ZNF213: variants seen among roughly 807,000 people sequenced by gnomAD.
ZNF213 encodes putative transcription factor CR53.
Under a neutral mutation model 46.0 loss-of-function variants are expected in ZNF213, and 32 were observed. The observed-to-expected ratio is 0.70, with a 90% CI of 0.52 to 0.93. The LOEUF is 0.93. ZNF213 is among the 40% of genes least tolerant of loss of function. The probability of loss-of-function intolerance (pLI) is 0.00; values close to 1 mark genes in which losing one functional copy is unlikely to be tolerated. For missense variants in ZNF213, 639 were observed against 652.8 expected (o/e 0.98, Z 0.23); for synonymous variants, 297 against 271.0 (o/e 1.10, Z -0.94).
rs551193155 is a variant in ZNF213, at chr16:3,138,514, G to C, written c.496G>C (p.Val166Leu). 6.2e-7 allele frequency: 1 copy of C among 1,613,988 alleles called. No homozygotes were observed. ...GGTGGGGGCACGGAGGCGGCCGTCTGTTCCCCAGGAGCAGCACAGCCATAG... is the reference window on the plus strand; with the variant it reads ...GGTGGGGGCACGGAGGCGGCCGTCTCTTCCCCAGGAGCAGCACAGCCATAG... Reference protein sequence around the residue: ...PTVGARRRPSVPQEQHSHSAQ... With the variant: ...PTVGARRRPSLPQEQHSHSAQ... Residue 166 changes from valine to leucine, a missense_variant, in exon 3 of 6, where the codon GTT (valine) becomes CTT (leucine). By Grantham distance (32) the Val-to-Leu change is conservative. Transcript: ENST00000396878.
rs1567187453 is a variant in ZNF213 at position 3,141,629 on chromosome 16, C to T, written c.*282C>T. The T allele has an allele frequency of 2.1e-6, 1 of 469,028 alleles. No individual in the cohort carries two copies. The highest frequency in any genetic ancestry group is 3.4e-5 in the East Asian group (1 of 29,054). 29.1% of individuals were successfully genotyped at this position (469,028 alleles called of 1,614,324 possible). The stretch of plus-strand genomic sequence containing the variant: ...TAGTTTCCTGGAGCCCCAACACATT[C>T]CTGGCAGGGACAGCAGGGTGGCAAG... On this transcript the variant is annotated 3_prime_UTR_variant, in exon 6 of 6. Transcript: ENST00000396878.
Position 3,141,664 on chromosome 16 carries a change from C to G in ZNF213, c.*317C>G. The G allele has an allele frequency of 2.5e-6, 1 of 395,592 alleles. No homozygotes were observed. Among genetic ancestry groups the G allele is most frequent in the Non-Finnish European group, 4.5e-6 (1 of 220,808 alleles). 24.5% of individuals were successfully genotyped at this position (395,592 alleles called of 1,614,324 possible). A position where few individuals can be genotyped will look rare whatever the true frequency, so the allele number is the denominator to read the frequency against. On this transcript the variant is annotated 3_prime_UTR_variant, in exon 6 of 6. Coordinates refer to ENST00000396878, the MANE Select transcript of ZNF213 (RefSeq NM_004220.3). ...ACAGCAGGGTGGCAAGGACTCAGGT[C>G]TAGGTCCCTTCCCAGAAGCCCCCGA... is the stretch of plus-strand genomic sequence containing the variant.
chr16:3,141,155 G>A lies in ZNF213; in HGVS notation c.1188G>A (p.Thr396=), dbSNP rs767050982. 12 of 1,612,352 alleles carry A rather than the reference G, an allele frequency of 7.4e-6. No homozygotes were observed. Among genetic ancestry groups the A allele is most frequent in the African/African-American group, 6.7e-5 (5 of 74,934 alleles). ...AYLADHQRIH[T]GEKPFGCSDC... ...TGGCCGACCACCAGCGCATACACAC[G>A]GGCGAGAAGCCTTTCGGCTGCAGCG... is the stretch of plus-strand genomic sequence containing the variant. The change falls in exon 6 of 6, where the codon ACG becomes ACA. Residue 396 remains threonine, a synonymous_variant. Coordinates refer to ENST00000396878, the MANE Select transcript of ZNF213 (RefSeq NM_004220.3).
chr16:3,141,031 G>A lies in ZNF213; in HGVS notation c.1064G>A (p.Arg355His), dbSNP rs1282788537. The A allele has an allele frequency of 6.2e-7, 1 of 1,612,258 alleles. No homozygotes were observed. Among genetic ancestry groups the A allele is most frequent in the African/African-American group, 1.3e-5 (1 of 74,728 alleles). ...HKCPECDKSF[R>H]SSSDLVRHQG... Reference sequence around the variant, plus strand: ...TGCCCTGAGTGCGACAAGAGCTTCCGCAGCTCCTCGGACCTGGTGCGCCAC... The same window carrying A: ...TGCCCTGAGTGCGACAAGAGCTTCCACAGCTCCTCGGACCTGGTGCGCCAC... Residue 355 changes from arginine to histidine, a missense_variant, in exon 6 of 6, where the codon CGC becomes CAC. Transcript: ENST00000396878.
At chr16:3,135,723 G>C (rs982270679) in intron 1 of ZNF213, among the ~76,000 whole-genome samples, 2 of 152,118 alleles carry the variant, frequency 1.3e-5, no homozygotes, top group African/African-American at 4.8e-5. Context: ...TGTTAAGTCG[G>C]GGGGTACAAT....
At chr16:3,139,380 A>C in intron 5 of ZNF213, 1 of 361,118 alleles carries the variant, frequency 2.8e-6, no homozygotes, top group Non-Finnish European at 5.1e-6. Context: ...CATTTTACGC[A>C]TAAGGGACCT....
chr16:3,138,639 C>A, intron 3 of ZNF213, 98 bp downstream of exon 3: 5 of 1,609,186 alleles, frequency 3.1e-6, no homozygotes, highest in Non-Finnish European at 4.2e-6. Flanking sequence ...GGACAGCTCC[C>A]TCTGTGAAGT....
rs1489104200 is a variant in ZNF213 at position 3,135,151 on chromosome 16, C to G, written c.-352C>G. On this transcript the variant is annotated 5_prime_UTR_variant, in exon 1 of 6. Transcript: ENST00000396878. ...GGGCGGGGACGGGGCCTCTGGCCGC[C>G]TGGCTCCAACATCAAGCACCGGGCT... The G allele has an allele frequency of 1.3e-5, 2 of 152,880 alleles. No individual in the cohort carries two copies. Among genetic ancestry groups the G allele is most frequent in the African/African-American group, 4.8e-5 (2 of 41,294 alleles). 9.5% of individuals were successfully genotyped at this position (152,880 alleles called of 1,614,324 possible). A position where few individuals can be genotyped will look rare whatever the true frequency, so the allele number is the denominator to read the frequency against.
At chr16:3,140,037 G>C (rs756989458) in intron 5 of ZNF213, 1 of 151,962 alleles carries the variant, frequency 6.6e-6, no homozygotes, top group South Asian at 2.1e-4. Context: ...CACCGCGCCC[G>C]GCCCTTGAAA....
In ZNF213 at chr16:3,141,279, T is replaced by A; in HGVS notation, c.1312T>A (p.Phe438Ile). Residue 438 changes from phenylalanine (F) to isoleucine (I), a missense_variant, in exon 6 of 6, where the codon TTC (phenylalanine) becomes ATC (isoleucine). Transcript: ENST00000396878. Reference sequence around the variant, plus strand: ...CGGCTGCGGAGAGTGCGACAAGAGCTTCAAGCAGCGCGCGCACCTCATCGC... The same window carrying A: ...CGGCTGCGGAGAGTGCGACAAGAGCATCAAGCAGCGCGCGCACCTCATCGC... ...PFGCGECDKS[F>I]KQRAHLIAHQ... The A allele has an allele frequency of 6.2e-7, 1 of 1,611,270 alleles. No homozygotes were observed. Among genetic ancestry groups the A allele is most frequent in the Non-Finnish European group, 8.5e-7 (1 of 1,179,828 alleles).
chr16:3,137,293 T>A lies in ZNF213; in HGVS notation c.13T>A (p.Leu5Met). 1 of 1,597,274 alleles carries A rather than the reference T, an allele frequency of 6.3e-7. No individual in the cohort carries two copies. The highest frequency in any genetic ancestry group is 8.5e-7 in the Non-Finnish European group (1 of 1,170,044). The change falls in exon 2 of 6, where the codon TTG becomes ATG. Residue 5 changes from leucine (L) to methionine (M), a missense_variant. Physicochemically the swap from Leu to Met is conservative, Grantham distance 15. Coordinates refer to ENST00000396878, the MANE Select transcript of ZNF213 (RefSeq NM_004220.3). ...TCAGGCCAGGGGAATGGCAGCCCCCTTGGAGGCCCAGGACCAGGCCCCTGG... is the reference window on the plus strand; with the variant it reads ...TCAGGCCAGGGGAATGGCAGCCCCCATGGAGGCCCAGGACCAGGCCCCTGG... MAAP[L>M]EAQDQAPGEG...
chr16:3,138,787 C>T lies in ZNF213; in HGVS notation c.566C>T (p.Thr189Met), dbSNP rs202010217. The T allele has an allele frequency of 9.9e-6, 16 of 1,613,976 alleles. No homozygotes were observed. The East Asian group carries it at 1.1e-4, about 11-fold the overall frequency. The change falls in exon 4 of 6, where the codon ACG becomes ATG. Residue 189 changes from threonine to methionine, a missense_variant. Transcript: ENST00000396878. ...CTTAAAGAGGGTCGTCCCGGAGAGA[C>T]GACGGACACCTGCTTTGTCTCTGGG... ...ALLKEGRPGE[T>M]TDTCFVSGVH... is the part of the protein sequence containing the mutation.
In ZNF213 at chr16:3,141,711, C is replaced by T. The variant is rs1957606158; in HGVS notation, c.*364C>T. 1 of 263,986 alleles carries T rather than the reference C, an allele frequency of 3.8e-6. No individual in the cohort carries two copies. The highest frequency in any genetic ancestry group is 4.9e-5 in the Admixed American group (1 of 20,326). 16.4% of individuals were successfully genotyped at this position (263,986 alleles called of 1,614,324 possible). Reference sequence around the variant, plus strand: ...CCGAGCCTCATTTGACTGTGTGGCTCTTTGGCCCCCACCCTGTGGGGTGGG... The same window carrying T: ...CCGAGCCTCATTTGACTGTGTGGCTTTTTGGCCCCCACCCTGTGGGGTGGG... On this transcript the variant is annotated 3_prime_UTR_variant, in exon 6 of 6. Coordinates refer to ENST00000396878, the MANE Select transcript of ZNF213 (RefSeq NM_004220.3).
At chr16:3,136,886 A>C (rs1372723501) in intron 1 of ZNF213, among the ~76,000 whole-genome samples, 3 of 152,218 alleles carry the variant, frequency 2.0e-5, no homozygotes, top group Non-Finnish European at 4.4e-5. Flanking sequence ...GATTATAAAT[A>C]TGCTTATATC....
chr16:3,141,677 C>T lies in ZNF213; in HGVS notation c.*330C>T. ...AAGGACTCAGGTCTAGGTCCCTTCC[C>T]AGAAGCCCCCGAGCCTCATTTGACT... On this transcript the variant is annotated 3_prime_UTR_variant, in exon 6 of 6. Coordinates refer to ENST00000396878, the MANE Select transcript of ZNF213 (RefSeq NM_004220.3). 1 of 348,976 alleles carries T rather than the reference C, an allele frequency of 2.9e-6. No individual in the cohort carries two copies. Among genetic ancestry groups the T allele is most frequent in the Non-Finnish European group, 5.2e-6 (1 of 192,230 alleles). 21.6% of individuals were successfully genotyped at this position (348,976 alleles called of 1,614,324 possible).
intron 5 of ZNF213, chr16:3,140,424 T>C (rs1957590318): frequency 2.9e-6 from 1 of 349,320 alleles, no homozygotes; most frequent in Non-Finnish European, 5.0e-6. Context: ...GGTTTCACCA[T>C]GTTGGCCAGG....
Position 3,141,270 on chromosome 16 carries a change from G to C in ZNF213, c.1303G>C (p.Asp435His). ...GCGGCCCTTCGGCTGCGGAGAGTGC[G>C]ACAAGAGCTTCAAGCAGCGCGCGCA... is the stretch of plus-strand genomic sequence containing the variant. ...GERPFGCGEC[D>H]KSFKQRAHLI... The change falls in exon 6 of 6, where the codon GAC becomes CAC. Residue 435 changes from aspartate (D) to histidine (H), a missense_variant. By Grantham distance (81) the Asp-to-His change is moderately conservative (BLOSUM62 -1). Transcript: ENST00000396878. The C allele has an allele frequency of 6.2e-7, 1 of 1,611,772 alleles. No homozygotes were observed. Among genetic ancestry groups the C allele is most frequent in the Non-Finnish European group, 8.5e-7 (1 of 1,179,876 alleles).
rs371263842 is a variant in ZNF213 at position 3,139,433 on chromosome 16, TG to T, written c.721+337del. ...ATGCTGAAGGGACACAGCTGGGACTTGGATCAGGCACAGTTGTGAGGCCACC... is the reference window on the plus strand; with the variant it reads ...ATGCTGAAGGGACACAGCTGGGACTTGATCAGGCACAGTTGTGAGGCCACC... On this transcript the variant is annotated intron_variant, in intron 5 of 5. Coordinates refer to ENST00000396878, the MANE Select transcript of ZNF213 (RefSeq NM_004220.3). 505 of 262,564 alleles carry T rather than the reference TG, an allele frequency of 1.9e-3. 5 individuals carry two copies. Among genetic ancestry groups the T allele is most frequent in the Admixed American group, 8.1e-3 (156 of 19,282 alleles). 16.3% of individuals were successfully genotyped at this position (262,564 alleles called of 1,614,324 possible). A position where few individuals can be genotyped will look rare whatever the true frequency, so the allele number is the denominator to read the frequency against.
chr16:3,139,113 C>A lies in ZNF213; in HGVS notation c.721+15C>A. The A allele has an allele frequency of 1.2e-6, 2 of 1,612,180 alleles. No homozygotes were observed. Among genetic ancestry groups the A allele is most frequent in the East Asian group, 4.5e-5 (2 of 44,856 alleles). ...CACCACCCTGGGTAAGCACCCAGGGCCTTTGGGTCCAGGCTGGCCGCCCCC... is the reference window on the plus strand; with the variant it reads ...CACCACCCTGGGTAAGCACCCAGGGACTTTGGGTCCAGGCTGGCCGCCCCC... On this transcript the variant is annotated intron_variant, in intron 5 of 5. Transcript: ENST00000396878.
Sources: allele counts gnomAD v4.1 joint callset (sites outside exome capture counted in the v4.1 genomes callset), GRCh38; gene constraint gnomAD v4.1.1; transcripts MANE v1.5; gene names NCBI Gene and HGNC (gene_info 2026-07-23, HGNC 2026-07-21).